The following TERT variants were observed in gnomAD, a reference collection of about 807,000 sequenced individuals.
TERT encodes telomerase reverse transcriptase.
In TERT, 42 loss-of-function variants were observed where a neutral mutation model predicts 104.0. The ratio of observed to expected loss-of-function variants is 0.40; its 90% CI spans 0.32 to 0.52. TERT has a LOEUF of 0.52. Ranked by LOEUF, TERT falls within the 20% of genes least tolerant of loss-of-function variation. TERT has a pLI of 0.43. For synonymous variants in TERT, 781 were observed against 725.6 expected, an observed-to-expected ratio of 1.08 and a Z score of -1.23; for missense variants, 1,101 against 1,610.3, an observed-to-expected ratio of 0.68 and a Z score of 5.41.
Position 1,255,182 on chromosome 5 carries a change from C to T in TERT, c.3157+105G>A, listed in dbSNP as rs113604559. 2.4e-5 allele frequency: 35 copies of T among 1,468,658 alleles called. No homozygotes were observed. In the African/African-American group the frequency reaches 3.1e-4, roughly 13 times the overall value. The allele number at this position is 1,468,658 out of a possible 1,614,324, so 91.0% of individuals were successfully genotyped here. A position where few individuals can be genotyped will look rare whatever the true frequency, so the allele number is the denominator to read the frequency against. ...GGTTGGGTTAAACCACTTCCTGATG[C>T]GAAAAGGGGTAAGAACTTCCTAAGC... On this transcript the variant is annotated intron_variant, in intron 14 of 15. Transcript: ENST00000310581. This position sits in a 1 kb window ranked among gnomAD's most constrained non-coding sequence, Gnocchi z 6.9.
In TERT at chr5:1,262,494, T is replaced by G. The variant is rs1398036935; in HGVS notation, c.2844-1894A>C. Among the ~76,000 whole-genome samples the G allele has an allele frequency of 1.3e-5, 2 of 152,238 alleles. No homozygotes were observed. The highest frequency in any genetic ancestry group is 3.8e-4 in the East Asian group (2 of 5,198). On this transcript the variant is annotated intron_variant, in intron 11 of 15. Transcript: ENST00000310581. The surrounding 1 kb of genome is among the most constrained non-coding windows in gnomAD (Gnocchi z 5.6). ...GCCTGTTTTCTTCTCCCAGATGCCC[T>G]TCAAGCCTCTGCTGTATACTTCAGA...
rs2126559305 is a variant in TERT, at chr5:1,254,363, C to T, written c.3295+5G>A. On this transcript the variant is annotated splice_donor_5th_base_variant and intron_variant, in intron 15 of 15. Transcript: ENST00000310581. Reference sequence around the variant, plus strand: ...GGGCCCGCACTGGCCTCCACCCACACTTGCCTGTCCTGAGTGACCCCAGGA... The same window carrying T: ...GGGCCCGCACTGGCCTCCACCCACATTTGCCTGTCCTGAGTGACCCCAGGA... 2 of 1,613,140 alleles carry T rather than the reference C, an allele frequency of 1.2e-6. No individual in the cohort carries two copies. The highest frequency in any genetic ancestry group is 1.7e-6 in the Non-Finnish European group (2 of 1,179,916).
rs1561186997 is a variant in TERT, at chr5:1,255,268, G to A, written c.3157+19C>T. ...GCAGGCAGGCACTGCTGCCACTGAG[G>A]CCAGGCACCTGCACATACCTGCGTT... On this transcript the variant is annotated intron_variant, in intron 14 of 15. Coordinates refer to ENST00000310581, the MANE Select transcript of TERT (RefSeq NM_198253.3). This position sits in a 1 kb window ranked among gnomAD's most constrained non-coding sequence, Gnocchi z 6.9. 1 of 1,612,578 alleles carries A rather than the reference G, an allele frequency of 6.2e-7. No individual in the cohort carries two copies. Among genetic ancestry groups the A allele is most frequent in the East Asian group, 2.2e-5 (1 of 44,844 alleles).
At position 1,278,776 on chromosome 5, in the gene TERT, G is replaced by A. The variant is rs147261325; in HGVS notation, c.2151C>T (p.Tyr717=). 50 of 1,614,120 alleles carry A rather than the reference G, an allele frequency of 3.1e-5. No individual in the cohort carries two copies. Among genetic ancestry groups the A allele is most frequent in the African/African-American group, 3.1e-4 (23 of 75,064 alleles). Reference sequence around the variant, plus strand: ...TGAGCCTGTCCTGGGGGATGGTGTCGTACGCGCCCGTCACATCCACCTGTG... The same window carrying A: ...TGAGCCTGTCCTGGGGGATGGTGTCATACGCGCCCGTCACATCCACCTGTG... The part of the protein sequence containing the change: ...YFVKVDVTGA[Y]DTIPQDRLTE... Residue 717 remains tyrosine (Y), a synonymous_variant, in exon 6 of 16, where the codon TAC becomes TAT. Coordinates refer to ENST00000310581, the MANE Select transcript of TERT (RefSeq NM_198253.3).
chr5:1,278,943 C>A, intron 5 of TERT, 147 bp from the exon 6 acceptor site: 1 of 1,136,934 alleles, frequency 8.8e-7, no homozygotes, highest in Non-Finnish European at 1.3e-6. Flanking sequence ...GGCTGTGTCC[C>A]CTCTCTGAGC....
intron 12 of TERT, 80 bp downstream of exon 12, chr5:1,260,392 GCA>G (rs1748137585): frequency 6.3e-7 from 1 of 1,598,516 alleles, no homozygotes; most frequent in African/African-American, 1.3e-5. Context: ...AGCCTTGCAG[GCA>G]CGCGCGCACA....
intron 6 of TERT, among the ~76,000 whole-genome samples, chr5:1,277,042 C>A (rs575297797): frequency 6.6e-6 from 1 of 152,208 alleles, no homozygotes; most frequent in Admixed American, 6.5e-5. Context: ...CCATACAGAG[C>A]GGGGCAGGAC....
rs1329593977 is a variant in TERT, at chr5:1,257,134, G to A, written c.3032+1464C>T. Among the ~76,000 whole-genome samples the A allele has an allele frequency of 1.3e-5, 2 of 152,144 alleles. No homozygotes were observed. The highest frequency in any genetic ancestry group is 2.9e-5 in the Non-Finnish European group (2 of 68,020). The stretch of plus-strand genomic sequence containing the variant: ...CCTCCTCAGGGCTACCCAATCAAGC[G>A]ACTACCCAAGGGTCCCCACATGGGT... On this transcript the variant is annotated intron_variant, in intron 13 of 15. Coordinates refer to ENST00000310581, the MANE Select transcript of TERT (RefSeq NM_198253.3). This position sits in a 1 kb window ranked among gnomAD's most constrained non-coding sequence, Gnocchi z 5.6.
rs529866491 is a variant in TERT at position 1,256,423 on chromosome 5, G to A, written c.3033-1012C>T. Among the ~76,000 whole-genome samples the A allele has an allele frequency of 6.6e-5, 10 of 152,036 alleles. No individual in the cohort carries two copies. The South Asian group carries it at 1.9e-3, about 28-fold the overall frequency. On this transcript the variant is annotated intron_variant, in intron 13 of 15. Transcript: ENST00000310581. This position sits in a 1 kb window ranked among gnomAD's most constrained non-coding sequence, Gnocchi z 7.0. ...TGCACATGTGCTCATATGTGCGTGTGATCAGAGCCCCCGTGTACCTGGTCT... is the reference window on the plus strand; with the variant it reads ...TGCACATGTGCTCATATGTGCGTGTAATCAGAGCCCCCGTGTACCTGGTCT...
At position 1,261,318 on chromosome 5, in the gene TERT, G is replaced by C. The variant is rs1748210627; in HGVS notation, c.2844-718C>G. Among the ~76,000 whole-genome samples the C allele has an allele frequency of 6.6e-6, 1 of 152,230 alleles. No individual in the cohort carries two copies. Among genetic ancestry groups the C allele is most frequent in the Non-Finnish European group, 1.5e-5 (1 of 68,038 alleles). ...ATTCTTTGAAAAATGTTTAATGGCAGAGCAAGTTTTGTGATGCATAATATC... is the reference window on the plus strand; with the variant it reads ...ATTCTTTGAAAAATGTTTAATGGCACAGCAAGTTTTGTGATGCATAATATC... On this transcript the variant is annotated intron_variant, in intron 11 of 15. Coordinates refer to ENST00000310581, the MANE Select transcript of TERT (RefSeq NM_198253.3). The surrounding 1 kb of genome is among the most constrained non-coding windows in gnomAD (Gnocchi z 7.4).
intron 4 of TERT, 79 bp downstream of exon 4, chr5:1,280,079 C>T (rs1579576923): frequency 6.3e-7 from 1 of 1,578,516 alleles, no homozygotes; most frequent in Admixed American, 1.7e-5. Context: ...TCCTCCGGGC[C>T]CTTCATCTAA....
rs2126559326 is a variant in TERT, at chr5:1,254,368, C to T, written c.3295G>A (p.Ala1099Thr). The T allele has an allele frequency of 1.2e-6, 2 of 1,613,170 alleles. No individual in the cohort carries two copies. ...YVPLLGSLRT[A>T]QTQLSRKLPG... ...CGCACTGGCCTCCACCCACACTTGC[C>T]TGTCCTGAGTGACCCCAGGAGTGGC... The change falls in exon 15 of 16, where the codon GCC becomes ACC. Residue 1099 changes from alanine to threonine, a missense_variant and splice_region_variant. By Grantham distance (58) the Ala-to-Thr change is moderately conservative. This residue lies in a region of TERT where 463 missense variants were observed against 797.5 expected (regional missense o/e 0.58). Coordinates refer to ENST00000310581, the MANE Select transcript of TERT (RefSeq NM_198253.3).
At position 1,253,248 on chromosome 5, in the gene TERT, C is replaced by T; in HGVS notation, c.*480G>A. 3.8e-6 allele frequency: 1 copy of T among 260,614 alleles called. No homozygotes were observed. Among genetic ancestry groups the T allele is most frequent in the Non-Finnish European group, 7.4e-6 (1 of 134,978 alleles). The allele number at this position is 260,614 out of a possible 1,614,324, so 16.1% of individuals were successfully genotyped here. On this transcript the variant is annotated 3_prime_UTR_variant, in exon 16 of 16. Coordinates refer to ENST00000310581, the MANE Select transcript of TERT (RefSeq NM_198253.3). The stretch of plus-strand genomic sequence containing the variant: ...CCCCAATTTGACCCACAGGGACCCC[C>T]ATCCAGGTGCAGGGTCCTCGCCTGT...
chr5:1,287,504 A>AT lies in TERT; in HGVS notation c.1574-4881_1574-4880insA, dbSNP rs1750566253. On this transcript the variant is annotated intron_variant, in intron 2 of 15. Coordinates refer to ENST00000310581, the MANE Select transcript of TERT (RefSeq NM_198253.3). The surrounding 1 kb of genome is among the most constrained non-coding windows in gnomAD (Gnocchi z 4.3). ...CAGACCAAGACTCTGTCTCAAAAAA[A>AT]AAAAATATATATATATATATATAAA... 2.4e-5 allele frequency among the ~76,000 whole-genome samples: 3 copies of AT among 126,994 alleles called. No homozygotes were observed. The highest frequency in any genetic ancestry group is 3.3e-5 in the Non-Finnish European group (2 of 60,340). The allele number at this position is 126,994 out of a possible 152,430, so 83.3% of individuals were successfully genotyped here.
chr5:1,293,673 AG>A lies in TERT; in HGVS notation c.1212del (p.Tyr405ThrfsTer104). ...LELLGNHAQC[P>X]YGVLLKTHCP... ...CAGTGCGTCTTGAGGAGCACCCCGT[AG>A]GGGCACTGCGCGTGGTTCCCAAGCA... On this transcript the variant is annotated frameshift_variant, in exon 2 of 16. Transcript: ENST00000310581. LOFTEE classifies it high-confidence loss of function. The A allele has an allele frequency of 6.4e-7, 1 of 1,569,562 alleles. No individual in the cohort carries two copies.
Position 1,256,260 on chromosome 5 carries a change from C to T in TERT, c.3033-849G>A, listed in dbSNP as rs1174528828. ...AACTCCTGGGCTCAAGGGATCCTCT[C>T]GCCTCGGCCTCCCAAAGTGCTGGGA... is the stretch of plus-strand genomic sequence containing the variant. On this transcript the variant is annotated intron_variant, in intron 13 of 15. Coordinates refer to ENST00000310581, the MANE Select transcript of TERT (RefSeq NM_198253.3). The surrounding 1 kb of genome is among the most constrained non-coding windows in gnomAD (Gnocchi z 7.0). Among the ~76,000 whole-genome samples, 1 of 152,128 alleles carries T rather than the reference C, an allele frequency of 6.6e-6. No individual in the cohort carries two copies. Among genetic ancestry groups the T allele is most frequent in the Non-Finnish European group, 1.5e-5 (1 of 68,010 alleles).
intron 2 of TERT, among the ~76,000 whole-genome samples, chr5:1,290,930 G>A (rs71575537): frequency 4.7e-3 from 181 of 38,310 alleles, no homozygotes; most frequent in Admixed American, 6.2e-3. Flanking sequence ...ACACCCGGGG[G>A]CCGTGCCTCA....
chr5:1,288,567 C>A lies in TERT; in HGVS notation c.1573+4746G>T, dbSNP rs1579588701. Among the ~76,000 whole-genome samples, 3 of 151,970 alleles carry A rather than the reference C, an allele frequency of 2.0e-5. No homozygotes were observed. The highest frequency in any genetic ancestry group is 4.2e-4 in the South Asian group (2 of 4,816). ...CAGCCTAAGCAATGAGCGGCAGGTG[C>A]CCAGAATAAGGTGACAAGCGTTGCC... On this transcript the variant is annotated intron_variant, in intron 2 of 15. Transcript: ENST00000310581. The surrounding 1 kb of genome is among the most constrained non-coding windows in gnomAD (Gnocchi z 5.3).
At chr5:1,280,119 C>A (rs1281289788) in intron 4 of TERT, 39 bp downstream of exon 4, 1 of 1,613,280 alleles carries the variant, frequency 6.2e-7, no homozygotes, top group Admixed American at 1.7e-5. Flanking sequence ...CTCAAACGCA[C>A]TTCTGTTTAA....
Sources: gnomAD v4.1 joint callset for allele counts (sites outside exome capture counted in the v4.1 genomes callset) on GRCh38, gnomAD v4.1.1 for gene constraint, gnomAD v4.1.1 regional missense constraint, Gnocchi (gnomAD v3.1) non-coding constraint, MANE v1.5 for transcripts, NCBI Gene and HGNC (gene_info 2026-07-23, HGNC 2026-07-21) for gene names.